The following GPD1L variants were observed in gnomAD, a reference collection of about 807,000 sequenced individuals.
The protein encoded by GPD1L is glycerol-3-phosphate dehydrogenase 1-like protein.
A neutral mutation model predicts 32.9 loss-of-function variants in GPD1L; 17 were observed. The observed-to-expected ratio is 0.52, with a 90% confidence interval of 0.35 to 0.78. GPD1L has a LOEUF of 0.78. GPD1L is among the 30% of genes least tolerant of loss of function. The pLI, the probability that GPD1L is intolerant of heterozygous loss-of-function variation, is 0.01. For synonymous variants in GPD1L, 187 were observed against 165.9 expected (o/e 1.13, Z -0.98); for missense variants, 361 against 447.8 (o/e 0.81, Z 1.75).
intron 1 of GPD1L, among the ~76,000 whole-genome samples, chr3:32,122,146 G>A (rs1700432473): frequency 6.6e-6 from 1 of 152,128 alleles, no homozygotes; most frequent in Non-Finnish European, 1.5e-5. Context: ...CATGAGGATG[G>A]GGACTTGTCT....
chr3:32,119,468 GA>G (rs1700377198), intron 1 of GPD1L, among the ~76,000 whole-genome samples: 2 of 152,222 alleles, frequency 1.3e-5, no homozygotes, highest in East Asian at 3.9e-4. Context: ...CTTCCTCTTT[GA>G]AGTGAAGTTG....
rs1036524427 is a variant in GPD1L at position 32,166,041 on chromosome 3, G to C, written c.*131G>C. 4 of 708,480 alleles carry C rather than the reference G, an allele frequency of 5.6e-6. No homozygotes were observed. The highest frequency in any genetic ancestry group is 1.0e-5 in the Non-Finnish European group (4 of 383,818). 43.9% of individuals were successfully genotyped at this position (708,480 alleles called of 1,614,324 possible). On this transcript the variant is annotated 3_prime_UTR_variant, in exon 8 of 8. Coordinates refer to ENST00000282541, the MANE Select transcript of GPD1L (RefSeq NM_015141.4). Reference sequence around the variant, plus strand: ...CACGGATATGTATGAATTTTTACAGGTTCGTTTTTGAATTGTGAGAGGCAG... The same window carrying C: ...CACGGATATGTATGAATTTTTACAGCTTCGTTTTTGAATTGTGAGAGGCAG...
chr3:32,114,316 C>G lies in GPD1L; in HGVS notation c.47+7558C>G, dbSNP rs551087267. ...GGGTTCTAACAAGAGTAAGAGAAGG[C>G]AAACCTTCATGAACTTAATAGGCAC... On this transcript the variant is annotated intron_variant, in intron 1 of 7. Transcript: ENST00000282541. Among the ~76,000 whole-genome samples, 6 of 152,304 alleles carry G rather than the reference C, an allele frequency of 3.9e-5. No homozygotes were observed. In the East Asian group the frequency reaches 1.2e-3, roughly 29 times the overall value.
Position 32,141,837 on chromosome 3 carries a change from GT to G in GPD1L, c.505+1474del, listed in dbSNP as rs557505514. ...TTTAGATTCGGGGGTACATGTGCAG[GT>G]TTGTTACATGGGTGTATTGCATGAT... On this transcript the variant is annotated intron_variant, in intron 4 of 7. Transcript: ENST00000282541. 3.3e-3 allele frequency among the ~76,000 whole-genome samples: 506 copies of G among 152,212 alleles called. 2 individuals are homozygous for G. The highest frequency in any genetic ancestry group is 0.012 in the African/African-American group (479 of 41,520).
chr3:32,136,056 G>T (rs887312177), intron 2 of GPD1L, among the ~76,000 whole-genome samples: 3 of 152,158 alleles, frequency 2.0e-5, no homozygotes, highest in Admixed American at 6.5e-5. Flanking sequence ...AAATGTTTTG[G>T]CTCTTGTAAC....
chr3:32,166,159 C>A lies in GPD1L; in HGVS notation c.*249C>A. 1.9e-6 allele frequency: 1 copy of A among 526,052 alleles called. No homozygotes were observed. The highest frequency in any genetic ancestry group is 3.4e-6 in the Non-Finnish European group (1 of 293,200). The allele number at this position is 526,052 out of a possible 1,614,324, so 32.6% of individuals were successfully genotyped here. A position where few individuals can be genotyped will look rare whatever the true frequency, so the allele number is the denominator to read the frequency against. ...CTCATTCTGTGGATGTTTCTATGAG[C>A]CAAAATTTGATGTCTTTTTTTCAAA... is the stretch of plus-strand genomic sequence containing the variant. On this transcript the variant is annotated 3_prime_UTR_variant, in exon 8 of 8. Transcript: ENST00000282541.
intron 1 of GPD1L, among the ~76,000 whole-genome samples, chr3:32,119,556 A>G (rs1442641704): frequency 6.6e-6 from 1 of 152,190 alleles, no homozygotes; most frequent in East Asian, 1.9e-4. Flanking sequence ...TAGAGATCAA[A>G]TAACATTCGC....
intron 1 of GPD1L, among the ~76,000 whole-genome samples, chr3:32,110,593 A>T (rs1222917622): frequency 6.6e-6 from 1 of 152,368 alleles, no homozygotes; most frequent in East Asian, 1.9e-4. Context: ...AGCTTCAGCC[A>T]GGAAGGTCCT....
rs1701086472 is a variant in GPD1L at position 32,162,478 on chromosome 3, C to T, written c.959+2804C>T. On this transcript the variant is annotated intron_variant, in intron 7 of 7. Transcript: ENST00000282541. ...TCGGCTCACTGCAAGCTCCGCTTCC[C>T]GGGTTCAAGCCATTCTCCTGCCTCA... Among the ~76,000 whole-genome samples, 2 of 68,592 alleles carry T rather than the reference C, an allele frequency of 2.9e-5. 1 individual carries two copies. The highest frequency in any genetic ancestry group is 1.0e-3 in the South Asian group (2 of 1,994). 45.0% of individuals were successfully genotyped at this position (68,592 alleles called of 152,430 possible). A position where few individuals can be genotyped will look rare whatever the true frequency, so the allele number is the denominator to read the frequency against.
intron 1 of GPD1L, among the ~76,000 whole-genome samples, chr3:32,119,262 A>C (rs1700374583): frequency 6.6e-6 from 1 of 152,212 alleles, no homozygotes; most frequent in Non-Finnish European, 1.5e-5. Context: ...ATTTCTCTGC[A>C]TCCTTACCAA....
At chr3:32,151,196 A>C in intron 5 of GPD1L, 9 of 576,502 alleles carry the variant, frequency 1.6e-5, no homozygotes, top group East Asian at 4.0e-5. Context: ...TAATCCAGGT[A>C]CCTTTCTCTT....
chr3:32,108,267 C>A lies in GPD1L; in HGVS notation c.47+1509C>A, dbSNP rs191661553. Among the ~76,000 whole-genome samples, 18 of 152,230 alleles carry A rather than the reference C, an allele frequency of 1.2e-4. No individual in the cohort carries two copies. In the East Asian group the frequency reaches 3.1e-3, roughly 26 times the overall value. On this transcript the variant is annotated intron_variant, in intron 1 of 7. Transcript: ENST00000282541. ...GGGCATGGTGGCTCACGCTTGTAAT[C>A]CCAGCACTTTGGGAGGCTGAGGCAG...
chr3:32,112,632 T>C (rs1700268671), intron 1 of GPD1L, among the ~76,000 whole-genome samples: 1 of 152,066 alleles, frequency 6.6e-6, no homozygotes, highest in South Asian at 2.1e-4. Context: ...AGGGAAACCC[T>C]ATCTCAAAAA....
At chr3:32,134,878 C>T (rs369238887) in intron 2 of GPD1L, among the ~76,000 whole-genome samples, 14 of 152,296 alleles carry the variant, frequency 9.2e-5, no homozygotes, top group Middle Eastern at 3.4e-3. Flanking sequence ...CTGATGAATA[C>T]GCTTTCATTT....
At chr3:32,137,068 G>A (rs1700673231) in intron 2 of GPD1L, among the ~76,000 whole-genome samples, 1 of 152,158 alleles carries the variant, frequency 6.6e-6, no homozygotes, top group Admixed American at 6.5e-5. Context: ...AATTTTGGCT[G>A]GGAGTTGGCA....
intron 1 of GPD1L, among the ~76,000 whole-genome samples, chr3:32,126,695 C>G (rs1227073076): frequency 6.6e-6 from 1 of 152,202 alleles, no homozygotes; most frequent in Non-Finnish European, 1.5e-5. Flanking sequence ...AGCTGCATAG[C>G]CTTGATATCT....
Position 32,155,481 on chromosome 3 carries a change from T to C in GPD1L, c.619-3395T>C, listed in dbSNP as rs150408745. 4.8e-4 allele frequency among the ~76,000 whole-genome samples: 73 copies of C among 152,274 alleles called. 1 individual carries two copies. The highest frequency in any genetic ancestry group is 1.7e-3 in the African/African-American group (70 of 41,540). On this transcript the variant is annotated intron_variant, in intron 5 of 7. Coordinates refer to ENST00000282541, the MANE Select transcript of GPD1L (RefSeq NM_015141.4). The stretch of plus-strand genomic sequence containing the variant: ...CATAGACATTTCCTGGGGTTGGTTT[T>C]TCATATAACAGTTTCAGAATGGTTC...
chr3:32,157,187 C>T (rs1216025018), intron 5 of GPD1L, among the ~76,000 whole-genome samples: 2 of 151,252 alleles, frequency 1.3e-5, no homozygotes, highest in African/African-American at 4.9e-5. Flanking sequence ...TCCATGTGGC[C>T]TTCCCTGCTG....
rs192969437 is a variant in GPD1L, at chr3:32,154,106, C to G, written c.619-4770C>G. Among the ~76,000 whole-genome samples, 215 of 152,068 alleles carry G rather than the reference C, an allele frequency of 1.4e-3. 2 individuals are homozygous for G. The highest frequency in any genetic ancestry group is 3.9e-4 in the East Asian group (2 of 5,166). On this transcript the variant is annotated intron_variant, in intron 5 of 7. Coordinates refer to ENST00000282541, the MANE Select transcript of GPD1L (RefSeq NM_015141.4). The stretch of plus-strand genomic sequence containing the variant: ...CTCAGTATCTTTATTTTTCTTTTGA[C>G]AATGGTAAGTGGTGGAGGGAGAGAA...
Sources: allele counts gnomAD v4.1 joint callset (sites outside exome capture counted in the v4.1 genomes callset), GRCh38; gene constraint gnomAD v4.1.1; transcripts MANE v1.5; gene names NCBI Gene and HGNC (gene_info 2026-07-23, HGNC 2026-07-21).